PCSK6: variants seen among roughly 807,000 people sequenced by gnomAD.
PCSK6 encodes the protein paired basic amino acid cleaving enzyme 4.
In PCSK6, 85 loss-of-function variants were observed where a neutral mutation model predicts 123.3. That is an observed-to-expected ratio of 0.69 (90% confidence interval 0.58 to 0.83). The LOEUF (loss-of-function observed/expected upper bound fraction) is 0.83, where lower values mean the gene tolerates loss of function less well. Ranked by LOEUF, PCSK6 falls within the 40% of genes least tolerant of loss-of-function variation. The pLI is 0.00. For missense variants in PCSK6, 1,191 were observed against 1,282.3 expected (o/e 0.93, Z 1.09); for synonymous variants, 508 against 516.0 (o/e 0.98, Z 0.21).
At chr15:101,329,174 C>T (rs928029121) in intron 15 of PCSK6, among the ~76,000 whole-genome samples, 1 of 152,138 alleles carries the variant, frequency 6.6e-6, no homozygotes, top group Non-Finnish European at 1.5e-5. Flanking sequence ...TAAACTGACA[C>T]GGGTTTATTT....
chr15:101,412,714 A>ACCC (rs1326677557), intron 6 of PCSK6, among the ~76,000 whole-genome samples: 1 of 113,848 alleles, frequency 8.8e-6, no homozygotes, highest in African/African-American at 3.7e-5. Context: ...TATATATATA[A>ACCC]AATTACCCAA....
In PCSK6 at chr15:101,325,061, G is replaced by A; in HGVS notation, c.2181-15C>T. On this transcript the variant is annotated splice_polypyrimidine_tract_variant and intron_variant, in intron 16 of 21. Coordinates refer to ENST00000611716, the MANE Select transcript of PCSK6 (RefSeq NM_002570.5). ...TCACGCACTTCCTGTAGGAGCAAAG[G>A]CAGGAGGGTGAGGGCCTTGCCAACC... The A allele has an allele frequency of 3.8e-6, 6 of 1,589,568 alleles. No individual in the cohort carries two copies. The highest frequency in any genetic ancestry group is 4.3e-6 in the Non-Finnish European group (5 of 1,168,426).
chr15:101,324,810 C>A (rs1396928120), intron 17 of PCSK6, 40 bp downstream of exon 17: 1 of 1,540,978 alleles, frequency 6.5e-7, no homozygotes, highest in East Asian at 2.3e-5. Context: ...AAAGTTGGGG[C>A]TGGCTCATCA....
intron 1 of PCSK6, among the ~76,000 whole-genome samples, chr15:101,464,704 C>T (rs2057415982): frequency 6.6e-6 from 1 of 152,088 alleles, no homozygotes; most frequent in African/African-American, 2.4e-5. Flanking sequence ...TGCGTGACAC[C>T]CTGTTAAGCC....
At chr15:101,470,727 G>A (rs553412629) in intron 1 of PCSK6, among the ~76,000 whole-genome samples, 19 of 152,294 alleles carry the variant, frequency 1.2e-4, no homozygotes, top group Non-Finnish European at 2.6e-4. Context: ...CTAGGCCGGG[G>A]TTCTCCCACA....
intron 6 of PCSK6, among the ~76,000 whole-genome samples, chr15:101,415,538 C>CAGCT (rs1178565530): frequency 6.6e-6 from 1 of 152,242 alleles, no homozygotes; most frequent in Non-Finnish European, 1.5e-5. Context: ...AGGCCAAAGG[C>CAGCT]AGCTTATGGG....
At position 101,316,910 on chromosome 15, in the gene PCSK6, G is replaced by GTTTTT. The variant is rs57613156; in HGVS notation, c.2569+1404_2569+1408dup. 1.7e-4 allele frequency among the ~76,000 whole-genome samples: 19 copies of GTTTTT among 114,932 alleles called. 1 individual carries two copies. The highest frequency in any genetic ancestry group is 3.5e-4 in the African/African-American group (9 of 25,382). The allele number at this position is 114,932 out of a possible 152,430, so 75.4% of individuals were successfully genotyped here. ...ACTGGTTTAGCAGAGACTTAATTCT[G>GTTTTT]TTTTTTTTTTTTTTTTTTTGACAGA... On this transcript the variant is annotated intron_variant, in intron 19 of 21. Transcript: ENST00000611716.
intron 11 of PCSK6, 138 bp downstream of exon 11, chr15:101,381,954 C>A: frequency 1.6e-6 from 1 of 617,100 alleles, no homozygotes; most frequent in Admixed American, 2.9e-5. Flanking sequence ...AAAACGCAGA[C>A]GTGTGCAGGC....
chr15:101,322,651 G>T, intron 17 of PCSK6, 44 bp from the exon 18 acceptor site: 2 of 1,259,736 alleles, frequency 1.6e-6, no homozygotes, highest in Non-Finnish European at 2.3e-6. Flanking sequence ...GGACGACACT[G>T]ACAGGAATGA....
At chr15:101,409,545 A>G (rs1243514576) in intron 6 of PCSK6, among the ~76,000 whole-genome samples, 1 of 148,936 alleles carries the variant, frequency 6.7e-6, no homozygotes, top group African/African-American at 2.5e-5. Context: ...AGATCGTGCC[A>G]CTGCACTCCA....
intron 11 of PCSK6, among the ~76,000 whole-genome samples, chr15:101,374,394 C>T (rs1273305556): frequency 6.6e-6 from 1 of 152,206 alleles, no homozygotes; most frequent in Non-Finnish European, 1.5e-5. Context: ...AACCCTCCGC[C>T]TCAAGCTCTC....
At chr15:101,317,885 G>A (rs1452206498) in intron 19 of PCSK6, among the ~76,000 whole-genome samples, 4 of 152,184 alleles carry the variant, frequency 2.6e-5, no homozygotes, top group African/African-American at 9.7e-5. Flanking sequence ...GTGGAGAACG[G>A]GGTCTCACAG....
intron 19 of PCSK6, among the ~76,000 whole-genome samples, chr15:101,317,585 T>A (rs1353202148): frequency 6.6e-6 from 1 of 151,880 alleles, no homozygotes; most frequent in Admixed American, 6.6e-5. Flanking sequence ...AACATCCCCA[T>A]CCCCACCTGG....
chr15:101,355,666 C>T lies in PCSK6; in HGVS notation c.1858+10530G>A, dbSNP rs12593069. Among the ~76,000 whole-genome samples, 1,839 of 152,346 alleles carry T rather than the reference C, an allele frequency of 0.012. 108 individuals are homozygous for T. The East Asian group carries it at 0.16, about 13-fold the overall frequency. ...AACAGGAGAACACCATGCAGATGCC[C>T]CTTAGTGCTGACAAAGCCAAGCTCG... On this transcript the variant is annotated intron_variant, in intron 13 of 21. Transcript: ENST00000611716.
At chr15:101,372,199 C>A (rs1318166583) in intron 11 of PCSK6, among the ~76,000 whole-genome samples, 1 of 152,188 alleles carries the variant, frequency 6.6e-6, no homozygotes, top group East Asian at 1.9e-4. Flanking sequence ...AGTGCAGACC[C>A]ACCGCCGCCC....
intron 2 of PCSK6, among the ~76,000 whole-genome samples, chr15:101,434,695 G>C (rs915601605): frequency 6.6e-6 from 1 of 152,198 alleles, no homozygotes; most frequent in African/African-American, 2.4e-5. Flanking sequence ...GGTGCTCTCA[G>C]GCCAATGGAA....
At chr15:101,379,403 G>A (rs1470380998) in intron 11 of PCSK6, among the ~76,000 whole-genome samples, 1 of 152,224 alleles carries the variant, frequency 6.6e-6, no homozygotes, top group Admixed American at 6.5e-5. Context: ...TTAACATCCA[G>A]TGAACACAGC....
intron 1 of PCSK6, among the ~76,000 whole-genome samples, chr15:101,449,802 C>T (rs950353627): frequency 6.6e-6 from 1 of 152,140 alleles, no homozygotes; most frequent in Non-Finnish European, 1.5e-5. Context: ...AAGGCTGTTT[C>T]TTCATTTCCT....
intron 13 of PCSK6, chr15:101,347,831 T>C: frequency 6.9e-7 from 1 of 1,445,168 alleles, no homozygotes; most frequent in South Asian, 1.1e-5. Flanking sequence ...TATTGGGAGG[T>C]GCAATCCCAG....
Sources: gnomAD v4.1 joint callset for allele counts (sites outside exome capture counted in the v4.1 genomes callset) on GRCh38, gnomAD v4.1.1 for gene constraint, MANE v1.5 for transcripts, NCBI Gene and HGNC (gene_info 2026-07-23, HGNC 2026-07-21) for gene names.